ZNF804B: variants seen among roughly 807,000 people sequenced by gnomAD.
ZNF804B encodes the protein zinc finger protein 804B.
A neutral mutation model predicts 101.4 loss-of-function variants in ZNF804B; 80 were observed. That is an observed-to-expected ratio of 0.79 (90% CI 0.66 to 0.95). ZNF804B has a LOEUF of 0.95. ZNF804B is among the 40% of genes least tolerant of loss of function. The pLI is 0.00. For missense variants in ZNF804B, 1,673 were observed against 1,561.9 expected, an observed-to-expected ratio of 1.07 and a Z score of -1.20; for synonymous variants, 622 against 558.8, an observed-to-expected ratio of 1.11 and a Z score of -1.59.
At chr7:88,862,836 T>C (rs563918310) in intron 1 of ZNF804B, among the ~76,000 whole-genome samples, 2 of 152,296 alleles carry the variant, frequency 1.3e-5, no homozygotes, top group Non-Finnish European at 2.9e-5. Flanking sequence ...TACTATTCAC[T>C]ATCCTGCACT....
At chr7:89,173,120 A>T in intron 1 of ZNF804B, among the ~76,000 whole-genome samples, 1 of 152,154 alleles carries the variant, frequency 6.6e-6, no homozygotes, top group East Asian at 1.9e-4. Context: ...ACCTAAAATT[A>T]ATGGTAATAC....
chr7:88,914,104 T>C (rs1792594858), intron 1 of ZNF804B, among the ~76,000 whole-genome samples: 1 of 152,192 alleles, frequency 6.6e-6, no homozygotes, highest in Non-Finnish European at 1.5e-5. Flanking sequence ...TTTGTGGACA[T>C]ATGCTCTGCT....
intron 1 of ZNF804B, among the ~76,000 whole-genome samples, chr7:88,996,789 G>A (rs949167531): frequency 4.6e-5 from 7 of 152,044 alleles, no homozygotes; most frequent in Non-Finnish European, 4.4e-5. Flanking sequence ...CAGCAAAGTA[G>A]CCTCAGAAGG....
At chr7:89,259,193 G>A (rs1765812737) in intron 2 of ZNF804B, among the ~76,000 whole-genome samples, 1 of 152,174 alleles carries the variant, frequency 6.6e-6, no homozygotes, top group South Asian at 2.1e-4. Context: ...CTGTGGTTCA[G>A]AAGCCTTAAT....
chr7:88,940,919 T>G (rs1793046130), intron 1 of ZNF804B, among the ~76,000 whole-genome samples: 1 of 151,208 alleles, frequency 6.6e-6, no homozygotes, highest in African/African-American at 2.4e-5. Context: ...AGTCTTAAAA[T>G]TCAACAATAA....
Position 89,211,951 on chromosome 7 carries a change from T to A in ZNF804B, c.109-6204T>A, listed in dbSNP as rs568231240. 2.0e-5 allele frequency among the ~76,000 whole-genome samples: 3 copies of A among 152,278 alleles called. No homozygotes were observed. In the South Asian group the frequency reaches 6.2e-4, roughly 32 times the overall value. On this transcript the variant is annotated intron_variant, in intron 1 of 3. Transcript: ENST00000333190. ...ACTTTGAGCAGTATGGCCATTTTCA[T>A]GACATTGATTTTTCCTATCCATGAG...
intron 1 of ZNF804B, among the ~76,000 whole-genome samples, chr7:89,140,153 A>G (rs941970642): frequency 1.3e-5 from 2 of 152,086 alleles, no homozygotes; most frequent in African/African-American, 4.8e-5. Context: ...TATGAAATAA[A>G]TCTTTTTTCT....
intron 1 of ZNF804B, among the ~76,000 whole-genome samples, chr7:89,108,641 C>G (rs10275668): frequency 0.28 from 43,089 of 151,960 alleles, 6,386 homozygotes; most frequent in Non-Finnish European, 0.32. Flanking sequence ...GCAAAGGAAA[C>G]TGATCCTATT....
intron 1 of ZNF804B, among the ~76,000 whole-genome samples, chr7:89,206,122 G>A (rs1034753804): frequency 6.6e-5 from 10 of 152,306 alleles, no homozygotes. Context: ...GAGCAGCTGG[G>A]ACACAAGACA....
At position 89,335,596 on chromosome 7, in the gene ZNF804B, C is replaced by G; in HGVS notation, c.2614C>G (p.Gln872Glu). ...TTACTTGAATAAAAGCAAGAGAAAT[C>G]AAGAGTCTTTGGGCAGCCCTCACAT... ...MYYLNKSKRN[Q>E]ESLGSPHICD... Residue 872 changes from glutamine (Q) to glutamate (E), a missense_variant, in exon 4 of 4, where the codon CAA (glutamine) becomes GAA (glutamate). Transcript: ENST00000333190. 6.2e-7 allele frequency: 1 copy of G among 1,613,944 alleles called. No homozygotes were observed. Among genetic ancestry groups the G allele is most frequent in the South Asian group, 1.1e-5 (1 of 91,078 alleles).
intron 1 of ZNF804B, among the ~76,000 whole-genome samples, chr7:89,174,017 G>A (rs1214414985): frequency 6.6e-6 from 1 of 151,962 alleles, no homozygotes; most frequent in Non-Finnish European, 1.5e-5. Context: ...GGCATTCAAT[G>A]TGTAGTAATT....
chr7:88,968,485 A>C (rs1313263890), intron 1 of ZNF804B, among the ~76,000 whole-genome samples: 2 of 151,582 alleles, frequency 1.3e-5, no homozygotes, highest in Non-Finnish European at 3.0e-5. Context: ...CCACGTTCCT[A>C]GGCTTAAACA....
intron 1 of ZNF804B, among the ~76,000 whole-genome samples, chr7:89,035,270 A>T (rs1388102507): frequency 1.3e-5 from 2 of 152,122 alleles, no homozygotes; most frequent in Non-Finnish European, 2.9e-5. Context: ...TATGTAGGAA[A>T]ATCACAGGCA....
intron 1 of ZNF804B, among the ~76,000 whole-genome samples, chr7:88,900,728 A>G (rs759931270): frequency 6.6e-6 from 1 of 151,458 alleles, no homozygotes; most frequent in Non-Finnish European, 1.5e-5. Flanking sequence ...AAAAGTATTT[A>G]TGCAATCTCT....
intron 1 of ZNF804B, among the ~76,000 whole-genome samples, chr7:88,791,804 C>A (rs530816432): frequency 2.0e-5 from 3 of 152,052 alleles, no homozygotes; most frequent in African/African-American, 7.2e-5. Flanking sequence ...CACAGTGCTG[C>A]GTAATCATTC....
At chr7:88,978,699 A>G (rs1793652831) in intron 1 of ZNF804B, among the ~76,000 whole-genome samples, 1 of 150,878 alleles carries the variant, frequency 6.6e-6, no homozygotes, top group Non-Finnish European at 1.5e-5. Flanking sequence ...AACTTAGTCT[A>G]TTTATATTCA....
At chr7:89,089,037 C>A (rs545080719) in intron 1 of ZNF804B, among the ~76,000 whole-genome samples, 3 of 148,960 alleles carry the variant, frequency 2.0e-5, no homozygotes, top group African/African-American at 7.6e-5. Flanking sequence ...ATCACATAAG[C>A]CTTTTTTTCC....
chr7:89,125,810 A>G (rs1790468000), intron 1 of ZNF804B, among the ~76,000 whole-genome samples: 1 of 152,074 alleles, frequency 6.6e-6, no homozygotes, highest in Non-Finnish European at 1.5e-5. Flanking sequence ...TGAAACTCCA[A>G]TAATCTAAAA....
intron 1 of ZNF804B, among the ~76,000 whole-genome samples, chr7:88,994,603 A>G (rs1793893992): frequency 6.6e-6 from 1 of 152,088 alleles, no homozygotes; most frequent in Non-Finnish European, 1.5e-5. Flanking sequence ...GTTATATCCA[A>G]CTCAAGTTTA....
Sources: gnomAD v4.1 joint callset for allele counts (sites outside exome capture counted in the v4.1 genomes callset) on GRCh38, gnomAD v4.1.1 for gene constraint, MANE v1.5 for transcripts, NCBI Gene and HGNC (gene_info 2026-07-23, HGNC 2026-07-21) for gene names.